The following ENC1 variants were observed in gnomAD, a reference collection of about 807,000 sequenced individuals.
ENC1 encodes ectodermal-neural cortex 1.
ENC1 carries 19 observed loss-of-function variants against 40.9 expected under a neutral mutation model. The ratio of observed to expected loss-of-function variants is 0.46; its 90% CI spans 0.32 to 0.68. The LOEUF (loss-of-function observed/expected upper bound fraction) is 0.68. Ranked by LOEUF, ENC1 falls within the 30% of genes least tolerant of loss-of-function variation. ENC1 has a pLI of 0.03. For synonymous variants in ENC1, 285 were observed against 291.1 expected (o/e 0.98, Z 0.21); for missense variants, 479 against 737.5 (o/e 0.65, Z 4.06).
intron 1 of ENC1, among the ~76,000 whole-genome samples, chr5:74,637,275 C>G (rs1406876648): frequency 6.6e-6 from 1 of 152,128 alleles, no homozygotes; most frequent in Non-Finnish European, 1.5e-5. Context: ...ACCACCAAAC[C>G]CAGATAATTT....
At chr5:74,632,163 A>G (rs1747415471) in intron 2 of ENC1, 1 of 152,084 alleles carries the variant, frequency 6.6e-6, no homozygotes, top group Non-Finnish European at 1.5e-5. Context: ...CAGCCTGCCC[A>G]TTGTCATTTT....
chr5:74,639,220 CTG>C (rs1348909244), intron 1 of ENC1, among the ~76,000 whole-genome samples: 3 of 152,224 alleles, frequency 2.0e-5, no homozygotes, highest in Non-Finnish European at 4.4e-5. Flanking sequence ...TGGTTTAAAA[CTG>C]TGCAAACCTC....
At position 74,635,440 on chromosome 5, in the gene ENC1, C is replaced by G. The variant is rs780114303; in HGVS notation, c.1046G>C (p.Gly349Ala). 1 of 1,613,934 alleles carries G rather than the reference C, an allele frequency of 6.2e-7. No homozygotes were observed. Among genetic ancestry groups the G allele is most frequent in the Non-Finnish European group, 8.5e-7 (1 of 1,179,922 alleles). Residue 349 changes from glycine (G) to alanine (A), a missense_variant, in exon 2 of 3, where the codon GGG becomes GCG. Gly to Ala is a moderately conservative substitution (Grantham distance 60). Coordinates refer to ENST00000302351, the MANE Select transcript of ENC1 (RefSeq NM_003633.4). The surrounding 1 kb of genome is among the most constrained non-coding windows in gnomAD (Gnocchi z 5.5). ...ATCTTTTGAGACCCCATTTTCAGAC[C>G]CCCGCCCCCCAGTAATGTACACTTT... ...GCKVYITGGR[G>A]SENGVSKDVW...
chr5:74,637,755 CGT>C (rs3842030), intron 1 of ENC1: 2,513 of 149,950 alleles, frequency 0.017, 29 homozygotes, highest in South Asian at 0.042. Flanking sequence ...TCAAAAAATA[CGT>C]GTGTGTGTGT....
rs549129202 is a variant in ENC1, at chr5:74,629,560, G to T, written c.*465C>A. The T allele has an allele frequency of 6.6e-6, 1 of 152,398 alleles. No individual in the cohort carries two copies. The highest frequency in any genetic ancestry group is 1.9e-4 in the East Asian group (1 of 5,196). 9.4% of individuals were successfully genotyped at this position (152,398 alleles called of 1,614,324 possible). Reference sequence around the variant, plus strand: ...AGCCAGCTTCCCTCTCGGACCCACAGTTGGGCTTTGAATCTCCAGCAGCAG... The same window carrying T: ...AGCCAGCTTCCCTCTCGGACCCACATTTGGGCTTTGAATCTCCAGCAGCAG... On this transcript the variant is annotated 3_prime_UTR_variant, in exon 3 of 3. Transcript: ENST00000302351.
chr5:74,635,961 G>C lies in ENC1; in HGVS notation c.525C>G (p.Asn175Lys). Residue 175 changes from asparagine to lysine, a missense_variant, in exon 2 of 3, where the codon AAC becomes AAG. Transcript: ENST00000302351. The surrounding 1 kb of genome is among the most constrained non-coding windows in gnomAD (Gnocchi z 5.5). Reference sequence around the variant, plus strand: ...CTTCATTCTTCCTGATGGTTTGGAAGTTGCTGAGACACATTCTCCAAGATA... The same window carrying C: ...CTTCATTCTTCCTGATGGTTTGGAACTTGCTGAGACACATTCTCCAAGATA... ...YELSWRMCLS[N>K]FQTIRKNEDF... The C allele has an allele frequency of 6.2e-7, 1 of 1,614,186 alleles. No individual in the cohort carries two copies. The highest frequency in any genetic ancestry group is 1.1e-5 in the South Asian group (1 of 91,086).
rs1320982358 is a variant in ENC1 at position 74,635,514 on chromosome 5, A to G, written c.972T>C (p.Ala324=). Residue 324 remains alanine, a synonymous_variant, in exon 2 of 3, where the codon GCT becomes GCC. Transcript: ENST00000302351. The surrounding 1 kb of genome is among the most constrained non-coding windows in gnomAD (Gnocchi z 5.5). The part of the protein sequence containing the change: ...DQKAKEIIPK[A]DIPSPRKEFS... Reference sequence around the variant, plus strand: ...ACTCTTTTCTTGGGCTGGGAATGTCAGCCTTGGGAATGATTTCTTTGGCCT... The same window carrying G: ...ACTCTTTTCTTGGGCTGGGAATGTCGGCCTTGGGAATGATTTCTTTGGCCT... 3.7e-6 allele frequency: 6 copies of G among 1,614,020 alleles called. No individual in the cohort carries two copies. The African/African-American group carries it at 8.0e-5, about 22-fold the overall frequency.
At position 74,640,665 on chromosome 5, in the gene ENC1, C is replaced by G. The variant is rs1255685369; in HGVS notation, c.-372G>C. 2 of 152,480 alleles carry G rather than the reference C, an allele frequency of 1.3e-5. No individual in the cohort carries two copies. The highest frequency in any genetic ancestry group is 2.9e-5 in the Non-Finnish European group (2 of 68,288). The allele number at this position is 152,480 out of a possible 1,614,324, so 9.4% of individuals were successfully genotyped here. A position where few individuals can be genotyped will look rare whatever the true frequency, so the allele number is the denominator to read the frequency against. ...TTGTGTGCCGGCGGCCGCCAGGCGT[C>G]TGGACCGGGTCTCCGCAGCGCCACC... is the stretch of plus-strand genomic sequence containing the variant. On this transcript the variant is annotated 5_prime_UTR_variant, in exon 1 of 3. Coordinates refer to ENST00000302351, the MANE Select transcript of ENC1 (RefSeq NM_003633.4).
intron 2 of ENC1, 106 bp from the exon 3 acceptor site, chr5:74,630,098 A>C (rs967952231): frequency 1.1e-4 from 16 of 152,044 alleles, no homozygotes; most frequent in African/African-American, 3.9e-4. Flanking sequence ...TTTTTTTTTA[A>C]ATTAAACTTG....
rs1181323623 is a variant in ENC1 at position 74,636,553 on chromosome 5, C to G, written c.-13-55G>C. ...ATGATGCTCCTGATGTTCAGAACAGCAGAACGAAAGCAACAATGGTTTTGC... is the reference window on the plus strand; with the variant it reads ...ATGATGCTCCTGATGTTCAGAACAGGAGAACGAAAGCAACAATGGTTTTGC... On this transcript the variant is annotated intron_variant, in intron 1 of 2. Coordinates refer to ENST00000302351, the MANE Select transcript of ENC1 (RefSeq NM_003633.4). The surrounding 1 kb of genome is among the most constrained non-coding windows in gnomAD (Gnocchi z 4.8). 2 of 1,021,624 alleles carry G rather than the reference C, an allele frequency of 2.0e-6. No individual in the cohort carries two copies. The highest frequency in any genetic ancestry group is 2.8e-6 in the Non-Finnish European group (2 of 702,150). The allele number at this position is 1,021,624 out of a possible 1,614,324, so 63.3% of individuals were successfully genotyped here.
chr5:74,637,814 T>C (rs1747659679), intron 1 of ENC1: 1 of 151,754 alleles, frequency 6.6e-6, no homozygotes. Flanking sequence ...CTGTTGTTAA[T>C]TTAGGGCCAC....
Position 74,635,115 on chromosome 5 carries a change from G to C in ENC1, c.1371C>G (p.Asp457Glu). The change falls in exon 2 of 3, where the codon GAC (aspartate) becomes GAG (glutamate). Residue 457 changes from aspartate to glutamate, a missense_variant. Coordinates refer to ENST00000302351, the MANE Select transcript of ENC1 (RefSeq NM_003633.4). The surrounding 1 kb of genome is among the most constrained non-coding windows in gnomAD (Gnocchi z 5.5). ...CGTAACACTGAACTTTGGGGAGCTT[G>C]TCATGACTGACACTGGTACCTCCGA... ...FAFGGTSVSH[D>E]KLPKVQCYDQ... The C allele has an allele frequency of 6.2e-7, 1 of 1,614,234 alleles. No homozygotes were observed. The highest frequency in any genetic ancestry group is 1.7e-5 in the Admixed American group (1 of 60,028).
intron 2 of ENC1, among the ~76,000 whole-genome samples, chr5:74,631,945 G>C (rs6886768): frequency 0.11 from 16,704 of 152,250 alleles, 974 homozygotes; most frequent in Non-Finnish European, 0.13. Context: ...ACTGGGCTAG[G>C]TATTTTCGCC....
chr5:74,632,709 C>T lies in ENC1; in HGVS notation c.*32+1975G>A, dbSNP rs912492020. Among the ~76,000 whole-genome samples, 49 of 152,046 alleles carry T rather than the reference C, an allele frequency of 3.2e-4. 1 individual carries two copies. Among genetic ancestry groups the T allele is most frequent in the Admixed American group, 3.2e-3 (49 of 15,262 alleles). ...TCTCTACTAAAAATACAAAAAAGCC[C>T]GACGTGGTGGCGGGCACTGTAATCC... On this transcript the variant is annotated intron_variant, in intron 2 of 2. Transcript: ENST00000302351.
At position 74,634,692 on chromosome 5, in the gene ENC1, C is replaced by G; in HGVS notation, c.*24G>C. On this transcript the variant is annotated 3_prime_UTR_variant, in exon 2 of 3. Transcript: ENST00000302351. The stretch of plus-strand genomic sequence containing the variant: ...ATAGCTAAACTTCTTACCTCATGCT[C>G]ACTCTCTTTAGAATGTACTGCATTT... The G allele has an allele frequency of 1.3e-6, 2 of 1,524,410 alleles. No homozygotes were observed. Among genetic ancestry groups the G allele is most frequent in the Non-Finnish European group, 1.8e-6 (2 of 1,102,760 alleles). 94.4% of individuals were successfully genotyped at this position (1,524,410 alleles called of 1,614,324 possible).
At chr5:74,631,116 A>T (rs776898533) in intron 2 of ENC1, among the ~76,000 whole-genome samples, 4 of 152,052 alleles carry the variant, frequency 2.6e-5, no homozygotes, top group Non-Finnish European at 5.9e-5. Flanking sequence ...AAAAAGGAAT[A>T]CACACACCCT....
Position 74,636,549 on chromosome 5 carries a change from ACAG to A in ENC1, c.-13-54_-13-52del. On this transcript the variant is annotated intron_variant, in intron 1 of 2. Transcript: ENST00000302351. This position sits in a 1 kb window ranked among gnomAD's most constrained non-coding sequence, Gnocchi z 4.8. ...GAAAATGATGCTCCTGATGTTCAGA[ACAG>A]CAGAACGAAAGCAACAATGGTTTTG... is the stretch of plus-strand genomic sequence containing the variant. 1 of 1,052,366 alleles carries A rather than the reference ACAG, an allele frequency of 9.5e-7. No individual in the cohort carries two copies. 65.2% of individuals were successfully genotyped at this position (1,052,366 alleles called of 1,614,324 possible). A position where few individuals can be genotyped will look rare whatever the true frequency, so the allele number is the denominator to read the frequency against.
intron 1 of ENC1, among the ~76,000 whole-genome samples, chr5:74,637,184 C>T (rs1328154173): frequency 1.3e-5 from 2 of 152,170 alleles, no homozygotes; most frequent in African/African-American, 2.4e-5. Context: ...GGTGCAATCA[C>T]AGTTCACTGC....
chr5:74,636,846 C>T lies in ENC1; in HGVS notation c.-13-348G>A, dbSNP rs1056066977. Among the ~76,000 whole-genome samples the T allele has an allele frequency of 1.3e-5, 2 of 152,208 alleles. No homozygotes were observed. Among genetic ancestry groups the T allele is most frequent in the African/African-American group, 2.4e-5 (1 of 41,450 alleles). On this transcript the variant is annotated intron_variant, in intron 1 of 2. Transcript: ENST00000302351. This position sits in a 1 kb window ranked among gnomAD's most constrained non-coding sequence, Gnocchi z 4.8. ...TCAGCAAAAGCCAAGAGGAGTGAGT[C>T]TCATTCCCACAGCTCCCTGTCCTAG...
Sources: allele counts gnomAD v4.1 joint callset (sites outside exome capture counted in the v4.1 genomes callset), GRCh38; gene constraint gnomAD v4.1.1; non-coding constraint Gnocchi (gnomAD v3.1); transcripts MANE v1.5; gene names NCBI Gene and HGNC (gene_info 2026-07-23, HGNC 2026-07-21).